Variants in BBX observed in about 807,000 individuals in gnomAD.
The protein encoded by BBX is HMG box transcription factor BBX.
BBX carries 30 observed loss-of-function variants against 100.2 expected under a neutral mutation model. The ratio of observed to expected loss-of-function variants is 0.30; its 90% CI spans 0.22 to 0.41. BBX has a LOEUF of 0.41. BBX is among the 10% of genes least tolerant of loss of function. BBX has a pLI of 1.00. For synonymous variants in BBX, 376 were observed against 388.1 expected (o/e 0.97, Z 0.37); for missense variants, 1,023 against 1,129.8 (o/e 0.91, Z 1.35).
At chr3:107,689,857 A>G (rs1035901777) in intron 3 of BBX, among the ~76,000 whole-genome samples, 1 of 152,216 alleles carries the variant, frequency 6.6e-6, no homozygotes, top group Non-Finnish European at 1.5e-5. Context: ...TTTAAAGTCC[A>G]GAGCCTTTAT....
At chr3:107,526,104 T>G (rs569897228) in intron 1 of BBX, among the ~76,000 whole-genome samples, 21 of 152,268 alleles carry the variant, frequency 1.4e-4, no homozygotes, top group Admixed American at 1.3e-3. Context: ...AGAATGCCAG[T>G]TGGGTTGCCC....
intron 2 of BBX, among the ~76,000 whole-genome samples, chr3:107,541,279 G>T (rs1241258952): frequency 2.0e-5 from 3 of 152,108 alleles, no homozygotes; most frequent in Non-Finnish European, 4.4e-5. Context: ...CTGGCCATTT[G>T]TCTAGAGAGC....
At chr3:107,635,516 T>A (rs1195410031) in intron 2 of BBX, among the ~76,000 whole-genome samples, 1 of 152,162 alleles carries the variant, frequency 6.6e-6, no homozygotes, top group Non-Finnish European at 1.5e-5. Flanking sequence ...AAACTTATCT[T>A]TATAGGAAAT....
intron 2 of BBX, among the ~76,000 whole-genome samples, chr3:107,586,023 T>A (rs1009602156): frequency 6.6e-6 from 1 of 152,156 alleles, no homozygotes; most frequent in African/African-American, 2.4e-5. Flanking sequence ...TTTTCTGATG[T>A]TCTTTCATAT....
chr3:107,537,342 A>G (rs1250707650), intron 2 of BBX, among the ~76,000 whole-genome samples: 2 of 152,226 alleles, frequency 1.3e-5, no homozygotes, highest in Non-Finnish European at 2.9e-5. Context: ...CGCACTTAAT[A>G]GATAGTAAGT....
chr3:107,569,469 G>A (rs908917368), intron 2 of BBX, among the ~76,000 whole-genome samples: 1 of 152,180 alleles, frequency 6.6e-6, no homozygotes, highest in African/African-American at 2.4e-5. Context: ...TCCGAAAAGA[G>A]CCAGTAAAGG....
chr3:107,678,717 A>C (rs1020857223), intron 3 of BBX, among the ~76,000 whole-genome samples: 1 of 151,966 alleles, frequency 6.6e-6, no homozygotes. Flanking sequence ...GAAGGGCAAG[A>C]CCGTTTCTCA....
At chr3:107,692,501 A>G (rs1021479567) in intron 3 of BBX, among the ~76,000 whole-genome samples, 3 of 152,146 alleles carry the variant, frequency 2.0e-5, no homozygotes, top group African/African-American at 7.2e-5. Context: ...AGTTTCATCC[A>G]TGTCCCTACA....
At chr3:107,741,653 C>G (rs949991226) in intron 7 of BBX, among the ~76,000 whole-genome samples, 4 of 152,066 alleles carry the variant, frequency 2.6e-5, no homozygotes, top group Non-Finnish European at 4.4e-5. Context: ...TAAACTGGCT[C>G]TAGCATAGGA....
intron 3 of BBX, among the ~76,000 whole-genome samples, chr3:107,669,673 T>C (rs561222496): frequency 6.6e-6 from 1 of 152,250 alleles, no homozygotes; most frequent in East Asian, 1.9e-4. Context: ...GCCAAAGGGT[T>C]TGAAGAGGGA....
chr3:107,767,203 A>G (rs2066465836), intron 10 of BBX, among the ~76,000 whole-genome samples: 2 of 152,180 alleles, frequency 1.3e-5, no homozygotes. Flanking sequence ...AGTATAAAAT[A>G]CATATGTATT....
chr3:107,787,971 T>C (rs576834059), intron 13 of BBX, among the ~76,000 whole-genome samples: 6 of 152,184 alleles, frequency 3.9e-5, no homozygotes, highest in Admixed American at 3.3e-4. Context: ...TGGCAGGATA[T>C]GAGGTTATGG....
In BBX at chr3:107,693,338, C is replaced by T. The variant is rs535050575; in HGVS notation, c.-9-17114C>T. Among the ~76,000 whole-genome samples the T allele has an allele frequency of 5.3e-5, 8 of 151,838 alleles. 1 individual carries two copies. Among genetic ancestry groups the T allele is most frequent in the Non-Finnish European group, 8.8e-5 (6 of 68,008 alleles). On this transcript the variant is annotated intron_variant, in intron 3 of 17. Transcript: ENST00000325805. ...AGGGTTTTTATGGTTTTAGGTCTAA[C>T]GTTTAAGTCTTTAGTCCATCTTGAA...
At chr3:107,640,426 T>A (rs1258758494) in intron 2 of BBX, among the ~76,000 whole-genome samples, 1 of 152,182 alleles carries the variant, frequency 6.6e-6, no homozygotes, top group Non-Finnish European at 1.5e-5. Flanking sequence ...AACACTCTCC[T>A]CCATCCTGTC....
At chr3:107,694,123 A>G (rs2060393549) in intron 3 of BBX, among the ~76,000 whole-genome samples, 1 of 124,390 alleles carries the variant, frequency 8.0e-6, no homozygotes, top group Non-Finnish European at 1.7e-5. Flanking sequence ...CTAGATATAC[A>G]ATCATGTCGT....
chr3:107,681,012 G>A (rs56118271), intron 3 of BBX, among the ~76,000 whole-genome samples: 17,202 of 152,116 alleles, frequency 0.11, 1,172 homozygotes, highest in African/African-American at 0.18. Context: ...AGGGTATAGC[G>A]ATTGACTCCC....
rs572141578 is a variant in BBX, at chr3:107,695,930, G to C, written c.-9-14522G>C. ...GATAGTTAGCTCTTCTTGTTGAATTGATCCGTTTACCATTAAGTAATGGCC... is the reference window on the plus strand; with the variant it reads ...GATAGTTAGCTCTTCTTGTTGAATTCATCCGTTTACCATTAAGTAATGGCC... On this transcript the variant is annotated intron_variant, in intron 3 of 17. Coordinates refer to ENST00000325805, the MANE Select transcript of BBX (RefSeq NM_001142568.3). Among the ~76,000 whole-genome samples, 6 of 151,940 alleles carry C rather than the reference G, an allele frequency of 3.9e-5. 1 individual carries two copies. The East Asian group carries it at 1.2e-3, about 29-fold the overall frequency.
At chr3:107,713,113 T>G (rs2061838855) in intron 4 of BBX, among the ~76,000 whole-genome samples, 1 of 152,204 alleles carries the variant, frequency 6.6e-6, no homozygotes, top group African/African-American at 2.4e-5. Flanking sequence ...TTTTTTGTTG[T>G]ATATGAAGAA....
rs1245133302 is a variant in BBX at position 107,748,020 on chromosome 3, C to T, written c.806C>T (p.Ala269Val). ...DASTKQCQTS[A>V]LFQFAEISSN... ...TCTACAAAGCAGTGTCAAACATCTG[C>T]CTTGTTTCAGTTTGCAGAGGTATGG... The change falls in exon 9 of 18, where the codon GCC becomes GTC. Residue 269 changes from alanine (A) to valine (V), a missense_variant. Around this residue, in one of 9 missense-constraint regions of BBX, gnomAD observed 95 missense variants for 95.1 expected, o/e 1.00. Coordinates refer to ENST00000325805, the MANE Select transcript of BBX (RefSeq NM_001142568.3). The T allele has an allele frequency of 5.0e-6, 8 of 1,613,466 alleles. No individual in the cohort carries two copies. Among genetic ancestry groups the T allele is most frequent in the Non-Finnish European group, 6.8e-6 (8 of 1,179,646 alleles).
Sources: allele counts gnomAD v4.1 joint callset (sites outside exome capture counted in the v4.1 genomes callset), GRCh38; gene constraint gnomAD v4.1.1; regional missense constraint gnomAD v4.1.1; transcripts MANE v1.5; gene names NCBI Gene and HGNC (gene_info 2026-07-23, HGNC 2026-07-21).